MMP20: variants seen among roughly 807,000 people sequenced by gnomAD.
MMP20 encodes matrix metalloproteinase-20.
In MMP20, 50 loss-of-function variants were observed where a neutral mutation model predicts 51.8. The observed-to-expected ratio is 0.97, with a 90% CI of 0.77 to 1.22. MMP20 has a LOEUF of 1.22. Ranked by LOEUF, MMP20 falls within the 50% of genes most tolerant of loss-of-function variation. The pLI is 0.00. For missense variants in MMP20, 663 were observed against 601.4 expected (o/e 1.10, Z -1.07); for synonymous variants, 244 against 216.2 (o/e 1.13, Z -1.13).
intron 1 of MMP20, among the ~76,000 whole-genome samples, chr11:102,623,127 G>T (rs928226824): frequency 5.9e-5 from 9 of 152,280 alleles, no homozygotes; most frequent in Middle Eastern, 3.4e-3. Flanking sequence ...ATTTATTTTG[G>T]AGAGGAAGAA....
At chr11:102,605,851 T>A (rs1216957901) in intron 6 of MMP20, among the ~76,000 whole-genome samples, 1 of 152,122 alleles carries the variant, frequency 6.6e-6, no homozygotes, top group Non-Finnish European at 1.5e-5. Flanking sequence ...TGGAAAGAAG[T>A]ATTTGGAGTA....
At chr11:102,619,583 A>G (rs1027258542) in intron 1 of MMP20, among the ~76,000 whole-genome samples, 59 of 152,212 alleles carry the variant, frequency 3.9e-4, no homozygotes, top group Non-Finnish European at 7.5e-4. Flanking sequence ...AACAAAATAA[A>G]TGCCAAAAAA....
At chr11:102,586,926 GTTTA>G (rs1345054004) in intron 8 of MMP20, among the ~76,000 whole-genome samples, 1 of 151,970 alleles carries the variant, frequency 6.6e-6, no homozygotes, top group African/African-American at 2.4e-5. Flanking sequence ...TTCTCAAATT[GTTTA>G]TTTATCATCT....
chr11:102,605,216 C>G (rs185912675), intron 6 of MMP20: 1 of 152,128 alleles, frequency 6.6e-6, no homozygotes, highest in African/African-American at 2.4e-5. Flanking sequence ...GCCTACAAGC[C>G]AGGAAAAGAG....
chr11:102,577,253 C>G lies in MMP20; in HGVS notation c.*73G>C, dbSNP rs1187038506. 2 of 994,870 alleles carry G rather than the reference C, an allele frequency of 2.0e-6. No individual in the cohort carries two copies. The highest frequency in any genetic ancestry group is 3.2e-6 in the Non-Finnish European group (2 of 617,436). The allele number at this position is 994,870 out of a possible 1,614,324, so 61.6% of individuals were successfully genotyped here. The stretch of plus-strand genomic sequence containing the variant: ...GGAAGAATCCCTCTCCTACATTCTG[C>G]TTTAGTCCTTAAGATCCAGTTAGAG... On this transcript the variant is annotated 3_prime_UTR_variant, in exon 10 of 10. Transcript: ENST00000260228.
At chr11:102,588,806 T>C (rs1033253951) in intron 8 of MMP20, among the ~76,000 whole-genome samples, 2 of 152,228 alleles carry the variant, frequency 1.3e-5, no homozygotes, top group Non-Finnish European at 2.9e-5. Flanking sequence ...CAGTTTTTGT[T>C]TCTCTGGGAA....
At chr11:102,580,206 T>A (rs1859177056) in intron 8 of MMP20, among the ~76,000 whole-genome samples, 1 of 152,232 alleles carries the variant, frequency 6.6e-6, no homozygotes, top group African/African-American at 2.4e-5. Context: ...CTCTTTGTGA[T>A]CTAAACTACT....
At chr11:102,577,547 G>GGCAGTTA in intron 9 of MMP20, 121 bp from the exon 10 acceptor site, 1 of 740,678 alleles carries the variant, frequency 1.4e-6, no homozygotes, top group East Asian at 2.8e-5. Flanking sequence ...TTTGTCAGGT[G>GGCAGTTA]GCAGTTAGCT....
intron 1 of MMP20, among the ~76,000 whole-genome samples, chr11:102,619,480 C>T (rs1332200614): frequency 6.6e-6 from 1 of 152,020 alleles, no homozygotes; most frequent in African/African-American, 2.4e-5. Context: ...CACACCATCC[C>T]AGTCATATCA....
chr11:102,598,671 G>T (rs1347878927), intron 6 of MMP20, among the ~76,000 whole-genome samples: 3 of 152,172 alleles, frequency 2.0e-5, no homozygotes, highest in East Asian at 1.9e-4. Flanking sequence ...GCAGCTCTTT[G>T]CTAGTTCCTT....
intron 7 of MMP20, 63 bp downstream of exon 7, chr11:102,594,558 T>C: frequency 1.9e-6 from 3 of 1,599,454 alleles, no homozygotes; most frequent in South Asian, 1.1e-5. Flanking sequence ...CAGGGCTAGA[T>C]ATGCCAAATG....
intron 6 of MMP20, among the ~76,000 whole-genome samples, chr11:102,601,001 C>G (rs187997004): frequency 5.9e-5 from 9 of 152,086 alleles, no homozygotes; most frequent in East Asian, 1.9e-4. Context: ...TCTCTGATGT[C>G]AAACAGAACT....
chr11:102,597,212 A>G (rs1402041154), intron 6 of MMP20, among the ~76,000 whole-genome samples: 2 of 152,146 alleles, frequency 1.3e-5, no homozygotes, highest in South Asian at 2.1e-4. Context: ...AGCCAGATGC[A>G]TTTTCTTGCA....
intron 8 of MMP20, among the ~76,000 whole-genome samples, chr11:102,589,524 C>T (rs182859084): frequency 6.6e-6 from 1 of 152,266 alleles, no homozygotes; most frequent in East Asian, 1.9e-4. Flanking sequence ...ATGTGACAGG[C>T]ATTTCACATT....
In MMP20 at chr11:102,599,375, T is replaced by C. The variant is rs552979133; in HGVS notation, c.954-4618A>G. On this transcript the variant is annotated intron_variant, in intron 6 of 9. Transcript: ENST00000260228. ...CTCACTCCCCTGAGATCAGGTGATG[T>C]GGTGCAGTGAACAGAACAAGAAATG... Among the ~76,000 whole-genome samples the C allele has an allele frequency of 1.8e-4, 28 of 152,326 alleles. 1 individual carries two copies. The South Asian group carries it at 5.2e-3, about 28-fold the overall frequency.
In MMP20 at chr11:102,577,411, A is replaced by G; in HGVS notation, c.1367T>C (p.Phe456Ser). 1 of 1,613,434 alleles carries G rather than the reference A, an allele frequency of 6.2e-7. No homozygotes were observed. The highest frequency in any genetic ancestry group is 1.1e-5 in the South Asian group (1 of 91,064). Residue 456 changes from phenylalanine (F) to serine (S), a missense_variant, in exon 10 of 10, where the codon TTT (phenylalanine) becomes TCT (serine). Physicochemically the swap from Phe to Ser is radical, Grantham distance 155 (BLOSUM62 -2). Transcript: ENST00000260228. ...ATACTTGTATGTTTTTGGTCCTGAA[A>G]AGAAGTAAATGTAGCCTAAAAGAGA... ...AVELNGYIYF[F>S]SGPKTYKYDT... is the part of the protein sequence containing the mutation.
chr11:102,593,732 T>A, intron 7 of MMP20, 137 bp from the exon 8 acceptor site: 1 of 947,022 alleles, frequency 1.1e-6, no homozygotes, highest in Non-Finnish European at 1.6e-6. Flanking sequence ...ACAAGAGATA[T>A]AAGCTTCTAA....
intron 6 of MMP20, among the ~76,000 whole-genome samples, chr11:102,599,724 G>C (rs1195137279): frequency 6.6e-6 from 1 of 152,126 alleles, no homozygotes; most frequent in African/African-American, 2.4e-5. Context: ...TCATGTCATT[G>C]GCTGAGAAGC....
chr11:102,616,854 A>G lies in MMP20; in HGVS notation c.332T>C (p.Phe111Ser), dbSNP rs376926048. Residue 111 changes from phenylalanine to serine, a missense_variant, in exon 2 of 10, where the codon TTC becomes TCC. Coordinates refer to ENST00000260228, the MANE Select transcript of MMP20 (RefSeq NM_004771.4). ...TTTTTTCCATTTGGGTTCACCAGGG[A>G]AGAGGCGATAATTGGCCACATCAGG... ...GVPDVANYRL[F>S]PGEPKWKKNT... The G allele has an allele frequency of 9.3e-6, 15 of 1,614,060 alleles. No individual in the cohort carries two copies. Among genetic ancestry groups the G allele is most frequent in the Non-Finnish European group, 1.2e-5 (14 of 1,180,040 alleles).
Sources: allele counts gnomAD v4.1 joint callset (sites outside exome capture counted in the v4.1 genomes callset), GRCh38; gene constraint gnomAD v4.1.1; transcripts MANE v1.5; gene names NCBI Gene and HGNC (gene_info 2026-07-23, HGNC 2026-07-21).